TRIM45: variants seen among roughly 807,000 people sequenced by gnomAD.
The protein encoded by TRIM45 is tripartite motif containing 45, also known as E3 ubiquitin-protein ligase TRIM45.
Under a neutral mutation model 46.7 loss-of-function variants are expected in TRIM45, and 45 were observed. That is an observed-to-expected ratio of 0.96 (90% confidence interval 0.76 to 1.24). The LOEUF (loss-of-function observed/expected upper bound fraction) is 1.24. Ranked by LOEUF, TRIM45 falls within the 50% of genes most tolerant of loss-of-function variation. The pLI is 0.00. For synonymous variants in TRIM45, 259 were observed against 285.8 expected (o/e 0.91, Z 0.94); for missense variants, 680 against 728.4 (o/e 0.93, Z 0.77).
chr1:117,114,104 C>A (rs900750392), intron 4 of TRIM45, among the ~76,000 whole-genome samples: 9 of 152,256 alleles, frequency 5.9e-5, no homozygotes, highest in African/African-American at 2.2e-4. Flanking sequence ...TACCTCTTCT[C>A]ACATACCAAG....
chr1:117,120,454 C>T (rs1650574511), intron 1 of TRIM45, among the ~76,000 whole-genome samples: 1 of 152,214 alleles, frequency 6.6e-6, no homozygotes, highest in Non-Finnish European at 1.5e-5. Flanking sequence ...ACACGAATGA[C>T]TGAAGGAAAC....
At position 117,121,706 on chromosome 1, in the gene TRIM45, C is replaced by T. The variant is rs1347624259; in HGVS notation, c.-505G>A. On this transcript the variant is annotated 5_prime_UTR_variant, in exon 1 of 6. The change creates a new upstream start codon in the 5' untranslated region. Transcript: ENST00000256649. This position sits in a 1 kb window ranked among gnomAD's most constrained non-coding sequence, Gnocchi z 4.2. ...CCGCCGGCGGGCTTCTCGGTGTCCACCGCCTCTCCCGCGCCTCGGCCCGGG... is the reference window on the plus strand; with the variant it reads ...CCGCCGGCGGGCTTCTCGGTGTCCATCGCCTCTCCCGCGCCTCGGCCCGGG... 3 of 573,472 alleles carry T rather than the reference C, an allele frequency of 5.2e-6. No homozygotes were observed. Among genetic ancestry groups the T allele is most frequent in the Non-Finnish European group, 9.3e-6 (3 of 321,300 alleles). 35.5% of individuals were successfully genotyped at this position (573,472 alleles called of 1,614,324 possible).
At position 117,116,752 on chromosome 1, in the gene TRIM45, A is replaced by G. The variant is rs1650418842; in HGVS notation, c.1223-7T>C. On this transcript the variant is annotated splice_region_variant and splice_polypyrimidine_tract_variant and intron_variant, in intron 2 of 5. Transcript: ENST00000256649. The surrounding 1 kb of genome is among the most constrained non-coding windows in gnomAD (Gnocchi z 4.6). ...TCCCGGGCTCTGTGGAGGTCTGAAA[A>G]AGATAAACACTCGGTCCTCACCTCG... 4 of 1,614,008 alleles carry G rather than the reference A, an allele frequency of 2.5e-6. No homozygotes were observed. The East Asian group carries it at 8.9e-5, about 36-fold the overall frequency.
chr1:117,121,474 G>T lies in TRIM45; in HGVS notation c.-273C>A, dbSNP rs767483641. 2 of 508,736 alleles carry T rather than the reference G, an allele frequency of 3.9e-6. No individual in the cohort carries two copies. The highest frequency in any genetic ancestry group is 6.9e-6 in the Non-Finnish European group (2 of 290,256). The allele number at this position is 508,736 out of a possible 1,614,324, so 31.5% of individuals were successfully genotyped here. A position where few individuals can be genotyped will look rare whatever the true frequency, so the allele number is the denominator to read the frequency against. Reference sequence around the variant, plus strand: ...TGCCCCGCAAGTCCTCCCCGGATGCGCTTCCAGGTCTAGCTCTCCAGCTAG... The same window carrying T: ...TGCCCCGCAAGTCCTCCCCGGATGCTCTTCCAGGTCTAGCTCTCCAGCTAG... On this transcript the variant is annotated 5_prime_UTR_variant, in exon 1 of 6. Coordinates refer to ENST00000256649, the MANE Select transcript of TRIM45 (RefSeq NM_025188.4). The surrounding 1 kb of genome is among the most constrained non-coding windows in gnomAD (Gnocchi z 4.2).
chr1:117,122,507 A>C (rs1650695496), upstream of TRIM45: 1 of 152,342 alleles, frequency 6.6e-6, no homozygotes, highest in Admixed American at 6.5e-5. Context: ...GGGCTCGGGA[A>C]GGCTTTGTTT....
Position 117,121,010 on chromosome 1 carries a change from G to T in TRIM45, c.192C>A (p.Ile64=). The T allele has an allele frequency of 6.2e-7, 1 of 1,614,154 alleles. No individual in the cohort carries two copies. Among genetic ancestry groups the T allele is most frequent in the Non-Finnish European group, 8.5e-7 (1 of 1,180,030 alleles). The stretch of plus-strand genomic sequence containing the variant: ...AGCTTGTGTCAGAGTCTCCCCCTCG[G>T]ATGTCCACTACTGAGAAGGGCTCCA... ...EQLEPFSVVD[I]RGGDSDTSSE... Residue 64 remains isoleucine, a synonymous_variant, in exon 1 of 6, where the codon ATC becomes ATA. Transcript: ENST00000256649. This position sits in a 1 kb window ranked among gnomAD's most constrained non-coding sequence, Gnocchi z 4.2.
At position 117,116,992 on chromosome 1, in the gene TRIM45, A is replaced by G. The variant is rs1650427495; in HGVS notation, c.1223-247T>C. ...CCTGGACCTTACCTTCAGTCCTAGG[A>G]CTGAAGGTCCTATGCTTTAAAAATA... On this transcript the variant is annotated intron_variant, in intron 2 of 5. Transcript: ENST00000256649. This position sits in a 1 kb window ranked among gnomAD's most constrained non-coding sequence, Gnocchi z 4.6. 6.6e-6 allele frequency among the ~76,000 whole-genome samples: 1 copy of G among 151,876 alleles called. No individual in the cohort carries two copies. Among genetic ancestry groups the G allele is most frequent in the African/African-American group, 2.4e-5 (1 of 41,336 alleles).
In TRIM45 at chr1:117,116,746, C is replaced by T. The variant is rs780645302; in HGVS notation, c.1223-1G>A. The T allele has an allele frequency of 2.5e-6, 4 of 1,613,926 alleles. No homozygotes were observed. The highest frequency in any genetic ancestry group is 8.5e-7 in the Non-Finnish European group (1 of 1,179,970). On this transcript the variant is annotated splice_acceptor_variant, in intron 2 of 5. Transcript: ENST00000256649. LOFTEE classifies it high-confidence loss of function. The surrounding 1 kb of genome is among the most constrained non-coding windows in gnomAD (Gnocchi z 4.6). ...TGTTTCTCCCGGGCTCTGTGGAGGT[C>T]TGAAAAAGATAAACACTCGGTCCTC...
chr1:117,122,232 C>G (rs1650679970), upstream of TRIM45: 1 of 166,120 alleles, frequency 6.0e-6, no homozygotes, highest in Admixed American at 6.4e-5. Flanking sequence ...GTCTCGGCCG[C>G]TCGGGGGCGC....
At chr1:117,122,311 C>T (rs1650685347), upstream of TRIM45, 1 of 153,282 alleles carries the variant, frequency 6.5e-6, no homozygotes, top group African/African-American at 2.4e-5. Flanking sequence ...CTTACTGTAG[C>T]TCACAGGTCC....
In TRIM45 at chr1:117,120,903, T is replaced by TGA. The variant is rs1464356971; in HGVS notation, c.297_298dup (p.Gln100LeufsTer10). Reference sequence around the variant, plus strand: ...CACTCCACCCATGGGCAGGTCCACCTGAGCATCACATACAGGACAAAGGAT... The same window carrying TGA: ...CACTCCACCCATGGGCAGGTCCACCTGAGAGCATCACATACAGGACAAAGGAT... On this transcript the variant is annotated frameshift_variant, in exon 1 of 6. Transcript: ENST00000256649. LOFTEE classifies it high-confidence loss of function. 4 of 1,614,218 alleles carry TGA rather than the reference T, an allele frequency of 2.5e-6. No homozygotes were observed. The highest frequency in any genetic ancestry group is 3.4e-6 in the Non-Finnish European group (4 of 1,180,034).
At position 117,121,384 on chromosome 1, in the gene TRIM45, G is replaced by T; in HGVS notation, c.-183C>A. 1 of 673,344 alleles carries T rather than the reference G, an allele frequency of 1.5e-6. No homozygotes were observed. Among genetic ancestry groups the T allele is most frequent in the Non-Finnish European group, 2.4e-6 (1 of 411,050 alleles). The allele number at this position is 673,344 out of a possible 1,614,324, so 41.7% of individuals were successfully genotyped here. A position where few individuals can be genotyped will look rare whatever the true frequency, so the allele number is the denominator to read the frequency against. On this transcript the variant is annotated 5_prime_UTR_variant, in exon 1 of 6. The change creates a new upstream start codon in the 5' untranslated region. Transcript: ENST00000256649. The surrounding 1 kb of genome is among the most constrained non-coding windows in gnomAD (Gnocchi z 4.2). Reference sequence around the variant, plus strand: ...GGCGTCCTCGAAGGAATCACCCACAGATCTACTCAGGAGGGCCCCCTCCTT... The same window carrying T: ...GGCGTCCTCGAAGGAATCACCCACATATCTACTCAGGAGGGCCCCCTCCTT...
Position 117,121,049 on chromosome 1 carries a change from C to T in TRIM45, c.153G>A (p.Thr51=). The T allele has an allele frequency of 6.2e-7, 1 of 1,614,182 alleles. No homozygotes were observed. The highest frequency in any genetic ancestry group is 1.1e-5 in the South Asian group (1 of 91,088). The change falls in exon 1 of 6, where the codon ACG becomes ACA. Residue 51 remains threonine, a synonymous_variant. Transcript: ENST00000256649. This position sits in a 1 kb window ranked among gnomAD's most constrained non-coding sequence, Gnocchi z 4.2. Reference sequence around the variant, plus strand: ...AGAAGGGCTCCAGCTGCTCCAGACACGTGGTGCAAACTGTATGCAAACAAG... The same window carrying T: ...AGAAGGGCTCCAGCTGCTCCAGACATGTGGTGCAAACTGTATGCAAACAAG... The part of the protein sequence containing the change: ...LLPCLHTVCT[T]CLEQLEPFSV...
At chr1:117,122,783 C>T (rs1424548075), upstream of TRIM45, among the ~76,000 whole-genome samples, 3 of 152,154 alleles carry the variant, frequency 2.0e-5, no homozygotes, top group Non-Finnish European at 4.4e-5. Flanking sequence ...CCTTACCAGG[C>T]GTCTCCTGAT....
At position 117,112,314 on chromosome 1, in the gene TRIM45, C is replaced by G; in HGVS notation, c.1734G>C (p.Val578=). Residue 578 remains valine, a synonymous_variant, in exon 6 of 6, where the codon GTG becomes GTC. Transcript: ENST00000256649. ...GCTGAGCACAAACCCATCAGAGAGC[C>G]ACAGTCCTAAGTAGACTCCTCGGTG... ...QSAPRSLLRT[V]AL The G allele has an allele frequency of 6.2e-7, 1 of 1,601,972 alleles. No individual in the cohort carries two copies.
In TRIM45 at chr1:117,115,486, C is replaced by A; in HGVS notation, c.1467+89G>T. The A allele has an allele frequency of 1.1e-6, 1 of 918,568 alleles. No individual in the cohort carries two copies. 56.9% of individuals were successfully genotyped at this position (918,568 alleles called of 1,614,324 possible). ...AAGACATGGGGATTCTATTCAATCT[C>A]TCTGTATAGCTGATCCTATGTGAAA... On this transcript the variant is annotated intron_variant, in intron 4 of 5. Coordinates refer to ENST00000256649, the MANE Select transcript of TRIM45 (RefSeq NM_025188.4). This position sits in a 1 kb window ranked among gnomAD's most constrained non-coding sequence, Gnocchi z 4.2.
intron 4 of TRIM45, among the ~76,000 whole-genome samples, chr1:117,114,446 C>T (rs1650327108): frequency 6.6e-6 from 1 of 152,192 alleles, no homozygotes; most frequent in African/African-American, 2.4e-5. Flanking sequence ...ACTACAGGTG[C>T]ACACCATCAT....
chr1:117,116,764 C>G lies in TRIM45; in HGVS notation c.1223-19G>C, dbSNP rs774962621. On this transcript the variant is annotated intron_variant, in intron 2 of 5. Coordinates refer to ENST00000256649, the MANE Select transcript of TRIM45 (RefSeq NM_025188.4). This position sits in a 1 kb window ranked among gnomAD's most constrained non-coding sequence, Gnocchi z 4.6. ...TGGAGGTCTGAAAAAGATAAACACT[C>G]GGTCCTCACCTCGAATGTAAACTGC... 1 of 1,613,738 alleles carries G rather than the reference C, an allele frequency of 6.2e-7. No individual in the cohort carries two copies. The highest frequency in any genetic ancestry group is 8.5e-7 in the Non-Finnish European group (1 of 1,179,768).
In TRIM45 at chr1:117,113,380, C is replaced by A; in HGVS notation, c.1573G>T (p.Ala525Ser). 1 of 1,612,168 alleles carries A rather than the reference C, an allele frequency of 6.2e-7. No individual in the cohort carries two copies. The highest frequency in any genetic ancestry group is 8.5e-7 in the Non-Finnish European group (1 of 1,179,884). ...SSGGQKTARC[A>S]CGGTMPGGYL... Reference sequence around the variant, plus strand: ...TTACCTGGCATGGTGCCTCCACAGGCGCAGCGAGCGGTTTTCTGGCCCCCG... The same window carrying A: ...TTACCTGGCATGGTGCCTCCACAGGAGCAGCGAGCGGTTTTCTGGCCCCCG... The change falls in exon 5 of 6, where the codon GCC (alanine) becomes TCC (serine). Residue 525 changes from alanine to serine, a missense_variant. This residue lies in a region of TRIM45 where 322 missense variants were observed against 359.3 expected (regional missense o/e 0.90). Coordinates refer to ENST00000256649, the MANE Select transcript of TRIM45 (RefSeq NM_025188.4). The surrounding 1 kb of genome is among the most constrained non-coding windows in gnomAD (Gnocchi z 4.0).
Sources: gnomAD v4.1 joint callset for allele counts (sites outside exome capture counted in the v4.1 genomes callset) on GRCh38, gnomAD v4.1.1 for gene constraint, gnomAD v4.1.1 regional missense constraint, Gnocchi (gnomAD v3.1) non-coding constraint, MANE v1.5 for transcripts, NCBI Gene and HGNC (gene_info 2026-07-23, HGNC 2026-07-21) for gene names.